Variants in TNIK observed in about 807,000 individuals in gnomAD.
TNIK encodes TRAF2 and NCK interacting kinase.
A neutral mutation model predicts 191.3 loss-of-function variants in TNIK; 49 were observed. The ratio of observed to expected loss-of-function variants is 0.26; its 90% confidence interval spans 0.20 to 0.32. The LOEUF is 0.32. Ranked by LOEUF, TNIK falls within the 10% of genes least tolerant of loss-of-function variation. The probability of loss-of-function intolerance (pLI) is 1.00; values close to 1 mark genes in which losing one functional copy is unlikely to be tolerated. For synonymous variants in TNIK, 594 were observed against 600.9 expected (o/e 0.99, Z 0.17); for missense variants, 1,155 against 1,702.3 (o/e 0.68, Z 5.66).
At chr3:171,241,197 A>G (rs1280758728) in intron 2 of TNIK, among the ~76,000 whole-genome samples, 1 of 151,796 alleles carries the variant, frequency 6.6e-6, no homozygotes, top group Non-Finnish European at 1.5e-5. Flanking sequence ...CACCCAGTTA[A>G]TTTTGTACTT....
rs765723729 is a variant in TNIK at position 171,084,233 on chromosome 3, G to T, written c.3091C>A (p.Arg1031=). ...ATTTCTGGTGTGTCGCTATGAGGCC[G>T]AATGTTGGTTGGGTTTACATTTACC... ...SVVNVNPTNI[R]PHSDTPEIRK... Residue 1031 remains arginine (R), a synonymous_variant, in exon 26 of 33, where the codon CGG becomes AGG. Transcript: ENST00000436636. The T allele has an allele frequency of 1.2e-6, 2 of 1,613,538 alleles. No homozygotes were observed. Among genetic ancestry groups the T allele is most frequent in the South Asian group, 1.1e-5 (1 of 91,046 alleles).
At chr3:171,147,807 C>T (rs949260803) in intron 12 of TNIK, among the ~76,000 whole-genome samples, 11 of 152,108 alleles carry the variant, frequency 7.2e-5, no homozygotes, top group Admixed American at 2.0e-4. Flanking sequence ...CAAGTTCACT[C>T]GGTTGGTAAG....
intron 1 of TNIK, among the ~76,000 whole-genome samples, chr3:171,394,496 G>T (rs751160310): frequency 2.0e-5 from 3 of 152,232 alleles, no homozygotes; most frequent in Non-Finnish European, 4.4e-5. Flanking sequence ...AAAAGACCAA[G>T]ATCTCCACAA....
At chr3:171,190,539 A>G (rs913618838) in intron 6 of TNIK, among the ~76,000 whole-genome samples, 158 bp downstream of exon 6, 6 of 152,210 alleles carry the variant, frequency 3.9e-5, no homozygotes, top group African/African-American at 1.4e-4. Context: ...TGCCTTGAGA[A>G]AATATTTTTT....
rs1729286278 is a variant in TNIK, at chr3:171,460,049, G to C, written c.15C>G (p.Ser5=). 2 of 1,608,048 alleles carry C rather than the reference G, an allele frequency of 1.2e-6. No individual in the cohort carries two copies. Among genetic ancestry groups the C allele is most frequent in the Admixed American group, 3.4e-5 (2 of 59,376 alleles). The change falls in exon 1 of 33, where the codon TCC becomes TCG. Residue 5 remains serine, a synonymous_variant. Transcript: ENST00000436636. This position sits in a 1 kb window ranked among gnomAD's most constrained non-coding sequence, Gnocchi z 6.8. ...CTATTTCATCCAGGCTTCGAGCCGG[G>C]GAGTCGCTCGCCATGTCTACTTCTT... The part of the protein sequence containing the change: MASD[S]PARSLDEIDL...
chr3:171,214,144 C>T (rs1475109391), intron 3 of TNIK, among the ~76,000 whole-genome samples: 1 of 151,670 alleles, frequency 6.6e-6, no homozygotes, highest in Non-Finnish European at 1.5e-5. Context: ...GGCCTTTGGG[C>T]CTACTGTTTA....
intron 2 of TNIK, among the ~76,000 whole-genome samples, chr3:171,255,688 C>T (rs1746765562): frequency 6.6e-6 from 1 of 152,212 alleles, no homozygotes; most frequent in Non-Finnish European, 1.5e-5. Context: ...TTTTGTGCCA[C>T]AGGCCCAAAA....
Position 171,061,392 on chromosome 3 carries a change from A to G in TNIK, c.*2489T>C, listed in dbSNP as rs1395301257. On this transcript the variant is annotated 3_prime_UTR_variant, in exon 33 of 33. Transcript: ENST00000436636. ...TTGGCACCAGAAAAGCTCATGTTCT[A>G]TGTTATGTCACTGTACATACTGTAA... 6.6e-6 allele frequency: 1 copy of G among 152,182 alleles called. No individual in the cohort carries two copies. The highest frequency in any genetic ancestry group is 1.5e-5 in the Non-Finnish European group (1 of 68,020). The allele number at this position is 152,182 out of a possible 1,614,324, so 9.4% of individuals were successfully genotyped here. A position where few individuals can be genotyped will look rare whatever the true frequency, so the allele number is the denominator to read the frequency against.
At chr3:171,263,299 A>G (rs924619054) in intron 2 of TNIK, among the ~76,000 whole-genome samples, 2 of 152,210 alleles carry the variant, frequency 1.3e-5, no homozygotes, top group African/African-American at 4.8e-5. Flanking sequence ...AGTTTTGTTC[A>G]TAGGAGGATA....
At position 171,087,518 on chromosome 3, in the gene TNIK, C is replaced by T. The variant is rs1190504919; in HGVS notation, c.2722-12G>A. ...TTCTCTCCAGACGTCTGAGGGAGCA[C>T]AGCACGTGGGAGGAGTTAGAGAGGG... On this transcript the variant is annotated splice_polypyrimidine_tract_variant and intron_variant, in intron 23 of 32. Transcript: ENST00000436636. The T allele has an allele frequency of 8.7e-6, 14 of 1,612,534 alleles. No individual in the cohort carries two copies. The East Asian group carries it at 3.1e-4, about 36-fold the overall frequency.
At chr3:171,391,721 G>A (rs1719532783) in intron 1 of TNIK, among the ~76,000 whole-genome samples, 1 of 152,096 alleles carries the variant, frequency 6.6e-6, no homozygotes, top group African/African-American at 2.4e-5. Flanking sequence ...GCATATGTAT[G>A]TAATTAAATC....
At chr3:171,365,803 C>T (rs1337514822) in intron 2 of TNIK, among the ~76,000 whole-genome samples, 1 of 152,168 alleles carries the variant, frequency 6.6e-6, no homozygotes, top group Non-Finnish European at 1.5e-5. Flanking sequence ...GACGGCCTCC[C>T]TACTTTGCAC....
At chr3:171,257,682 C>T (rs1560331723) in intron 2 of TNIK, among the ~76,000 whole-genome samples, 1 of 152,144 alleles carries the variant, frequency 6.6e-6, no homozygotes, top group African/African-American at 2.4e-5. Context: ...CAACAAAGAG[C>T]CAAAAGCACT....
At chr3:171,305,585 T>C (rs1478921191) in intron 2 of TNIK, among the ~76,000 whole-genome samples, 1 of 152,110 alleles carries the variant, frequency 6.6e-6, no homozygotes, top group Non-Finnish European at 1.5e-5. Context: ...AAAGAAGATA[T>C]ACATGTGGCC....
At chr3:171,332,197 T>C (rs770734516) in intron 2 of TNIK, among the ~76,000 whole-genome samples, 12 of 152,214 alleles carry the variant, frequency 7.9e-5, no homozygotes, top group Admixed American at 6.5e-5. Flanking sequence ...TCCCCTACCA[T>C]TAAAAATTCT....
chr3:171,142,038 C>T (rs1048013648), intron 12 of TNIK, among the ~76,000 whole-genome samples: 3 of 152,184 alleles, frequency 2.0e-5, no homozygotes, highest in East Asian at 1.9e-4. Context: ...GAAACCTTCC[C>T]GATGGAGCTC....
In TNIK at chr3:171,438,692, G is replaced by A. The variant is rs956301077; in HGVS notation, c.57+21315C>T. ...AAAAGTAAGGATTAACATTAACCAG[G>A]GGACCTAGATGATGAACCAAACCTC... On this transcript the variant is annotated intron_variant, in intron 1 of 32. Coordinates refer to ENST00000436636, the MANE Select transcript of TNIK (RefSeq NM_015028.4). 2.6e-5 allele frequency among the ~76,000 whole-genome samples: 4 copies of A among 152,284 alleles called. No homozygotes were observed. The Middle Eastern group carries it at 0.01, about 388-fold the overall frequency.
chr3:171,167,186 A>T lies in TNIK; in HGVS notation c.858T>A (p.His286Gln). Reference sequence around the variant, plus strand: ...CATTAGGTTGGTCTCGTATAAATGGATGCTTCATCAATTGTTCTGTTGCTG... The same window carrying T: ...CATTAGGTTGGTCTCGTATAAATGGTTGCTTCATCAATTGTTCTGTTGCTG... Reference protein sequence around the residue: ...QRPATEQLMKHPFIRDQPNER... With the variant: ...QRPATEQLMKQPFIRDQPNER... The change falls in exon 10 of 33, where the codon CAT becomes CAA. Residue 286 changes from histidine to glutamine, a missense_variant. Transcript: ENST00000436636. 1.9e-6 allele frequency: 3 copies of T among 1,613,908 alleles called. No individual in the cohort carries two copies. Among genetic ancestry groups the T allele is most frequent in the Middle Eastern group, 3.3e-4 (2 of 6,062 alleles).
chr3:171,283,742 C>T (rs1171308768), intron 2 of TNIK, among the ~76,000 whole-genome samples: 2 of 152,190 alleles, frequency 1.3e-5, no homozygotes, highest in Admixed American at 6.5e-5. Context: ...GGCACTGCAG[C>T]ACCAGGAACT....
Sources: allele counts gnomAD v4.1 joint callset (sites outside exome capture counted in the v4.1 genomes callset), GRCh38; gene constraint gnomAD v4.1.1; non-coding constraint Gnocchi (gnomAD v3.1); transcripts MANE v1.5; gene names NCBI Gene and HGNC (gene_info 2026-07-23, HGNC 2026-07-21).